The following ECE1 variants were observed in gnomAD, a reference collection of about 807,000 sequenced individuals.
The protein encoded by ECE1 is endothelin converting enzyme 1.
A neutral mutation model predicts 98.6 loss-of-function variants in ECE1; 35 were observed. That is an observed-to-expected ratio of 0.35 (90% confidence interval 0.27 to 0.47). The LOEUF (loss-of-function observed/expected upper bound fraction) is 0.47, where lower values mean the gene tolerates loss of function less well. Ranked by LOEUF, ECE1 falls within the 20% of genes least tolerant of loss-of-function variation. ECE1 has a pLI of 1.00. For synonymous variants in ECE1, 394 were observed against 407.1 expected (o/e 0.97, Z 0.39); for missense variants, 814 against 1,025.3 (o/e 0.79, Z 2.81).
intron 8 of ECE1, among the ~76,000 whole-genome samples, chr1:21,248,491 A>C (rs1295990328): frequency 6.6e-6 from 1 of 151,872 alleles, no homozygotes; most frequent in African/African-American, 2.4e-5. Context: ...CTCTATTTTA[A>C]GATGACTGAA....
In ECE1 at chr1:21,279,383, G is replaced by A. The variant is rs200774323; in HGVS notation, c.139-51C>T. ...GGGGAAGACGTGAGCCCCGGGCCCC[G>A]CTTCCCTTGGAGGAAGGGGTTCCGC... On this transcript the variant is annotated intron_variant, in intron 2 of 18. Transcript: ENST00000374893. 8 of 1,613,386 alleles carry A rather than the reference G, an allele frequency of 5.0e-6. No individual in the cohort carries two copies. The East Asian group carries it at 8.9e-5, about 18-fold the overall frequency.
intron 15 of ECE1, among the ~76,000 whole-genome samples, chr1:21,227,612 G>C (rs1212806267): frequency 6.6e-6 from 1 of 152,158 alleles, no homozygotes; most frequent in African/African-American, 2.4e-5. Flanking sequence ...AGCAGACCTG[G>C]GATTCAAACT....
chr1:21,342,528 GTGGGGAGC>G (rs1291502367), intron 1 of ECE1, among the ~76,000 whole-genome samples: 3 of 152,054 alleles, frequency 2.0e-5, no homozygotes, highest in Admixed American at 6.6e-5. Flanking sequence ...AGAGACGTGG[GTGGGGAGC>G]TGGTGACCAT....
chr1:21,238,373 A>C, intron 10 of ECE1, 129 bp from the exon 11 acceptor site: 1 of 772,338 alleles, frequency 1.3e-6, no homozygotes, highest in Non-Finnish European at 2.2e-6. Flanking sequence ...TTTCCGACCC[A>C]GTAAAGTTAT....
intron 2 of ECE1, among the ~76,000 whole-genome samples, chr1:21,282,863 T>C (rs994673469): frequency 6.6e-6 from 1 of 150,616 alleles, no homozygotes; most frequent in African/African-American, 2.4e-5. Flanking sequence ...TGGCAGCAAA[T>C]AAATACTTGA....
rs550678987 is a variant in ECE1, at chr1:21,279,716, C to G, written c.139-384G>C. On this transcript the variant is annotated intron_variant, in intron 2 of 18. Coordinates refer to ENST00000374893, the MANE Select transcript of ECE1 (RefSeq NM_001397.3). Reference sequence around the variant, plus strand: ...CCAGCTGGGCTCTCTGCAGAGCCCCCACATCAGCGGGGTCAGGGACAAGGG... The same window carrying G: ...CCAGCTGGGCTCTCTGCAGAGCCCCGACATCAGCGGGGTCAGGGACAAGGG... 1.5e-4 allele frequency: 206 copies of G among 1,330,522 alleles called. No homozygotes were observed. In the African/African-American group the frequency reaches 2.8e-3, roughly 18 times the overall value. The allele number at this position is 1,330,522 out of a possible 1,614,324, so 82.4% of individuals were successfully genotyped here.
intron 4 of ECE1, among the ~76,000 whole-genome samples, chr1:21,263,003 G>A (rs1469561702): frequency 2.0e-5 from 3 of 152,228 alleles, no homozygotes; most frequent in Admixed American, 6.5e-5. Flanking sequence ...GGGAGCATCT[G>A]ATTACGCACG....
At chr1:21,265,463 C>T (rs745499082) in intron 4 of ECE1, among the ~76,000 whole-genome samples, 2 of 152,156 alleles carry the variant, frequency 1.3e-5, no homozygotes, top group Non-Finnish European at 2.9e-5. Flanking sequence ...ACCCAGATGG[C>T]GGAGGTTGCA....
At chr1:21,288,986 G>A (rs1351355603) in intron 2 of ECE1, among the ~76,000 whole-genome samples, 2 of 152,202 alleles carry the variant, frequency 1.3e-5, no homozygotes, top group African/African-American at 4.8e-5. Flanking sequence ...CTGGGCCTAT[G>A]TGACCCTGGA....
At chr1:21,337,246 C>A (rs1482204629) in intron 1 of ECE1, among the ~76,000 whole-genome samples, 2 of 152,164 alleles carry the variant, frequency 1.3e-5, no homozygotes, top group Admixed American at 1.3e-4. Context: ...CACGACTCAG[C>A]CTAAAAAGGA....
intron 16 of ECE1, among the ~76,000 whole-genome samples, chr1:21,226,603 C>T (rs1478660147): frequency 2.6e-5 from 4 of 152,224 alleles, no homozygotes; most frequent in Non-Finnish European, 1.5e-5. Flanking sequence ...AATCATAGTT[C>T]ACTGTAGCCT....
intron 14 of ECE1, among the ~76,000 whole-genome samples, chr1:21,231,927 T>TA (rs2098182240): frequency 6.6e-6 from 1 of 152,262 alleles, no homozygotes; most frequent in Non-Finnish European, 1.5e-5. Context: ...TGGAGGAATT[T>TA]AAAACATCAT....
At chr1:21,339,473 A>G (rs1639361784) in intron 1 of ECE1, among the ~76,000 whole-genome samples, 1 of 152,136 alleles carries the variant, frequency 6.6e-6, no homozygotes, top group Non-Finnish European at 1.5e-5. Context: ...CCCGTCCCTA[A>G]TTCCCTAAGT....
intron 3 of ECE1, among the ~76,000 whole-genome samples, chr1:21,278,439 G>A (rs1458509572): frequency 6.6e-6 from 1 of 152,238 alleles, no homozygotes; most frequent in Non-Finnish European, 1.5e-5. Context: ...GATCTGGAAG[G>A]GCAGCTCTCC....
chr1:21,273,230 G>A (rs966827294), intron 3 of ECE1, among the ~76,000 whole-genome samples: 1 of 152,022 alleles, frequency 6.6e-6, no homozygotes, highest in East Asian at 1.9e-4. Flanking sequence ...ATTCATTCAC[G>A]CATGCATTCA....
At position 21,258,841 on chromosome 1, in the gene ECE1, T is replaced by C; in HGVS notation, c.616-2A>G. ...ACCTGTGATGTTCCAGCCCCCGAGC[T>C]GTGGGGAGGGAGAGCAGGCAGGGAG... On this transcript the variant is annotated splice_acceptor_variant, in intron 5 of 18. Transcript: ENST00000374893. LOFTEE classifies it high-confidence loss of function. The surrounding 1 kb of genome is among the most constrained non-coding windows in gnomAD (Gnocchi z 4.2). 6.2e-7 allele frequency: 1 copy of C among 1,614,060 alleles called. No homozygotes were observed.
chr1:21,301,827 GAAAAAA>G (rs34861827), intron 1 of ECE1, among the ~76,000 whole-genome samples: 81 of 33,936 alleles, frequency 2.4e-3, no homozygotes, highest in Admixed American at 4.1e-3. Context: ...CCCTGTCTCA[GAAAAAA>G]AAAAAAAAAA....
rs1573980875 is a variant in ECE1 at position 21,260,410 on chromosome 1, G to A, written c.494-18C>T. The A allele has an allele frequency of 6.2e-7, 1 of 1,614,170 alleles. No homozygotes were observed. On this transcript the variant is annotated intron_variant, in intron 4 of 18. Coordinates refer to ENST00000374893, the MANE Select transcript of ECE1 (RefSeq NM_001397.3). This position sits in a 1 kb window ranked among gnomAD's most constrained non-coding sequence, Gnocchi z 4.3. The stretch of plus-strand genomic sequence containing the variant: ...GGAGTTTTCTGGAACAACAGACAGT[G>A]GAGTTTGCAATGCGGCCCCACTTGC...
intron 2 of ECE1, chr1:21,280,092 G>A (rs1180148385): frequency 1.3e-5 from 2 of 152,364 alleles, no homozygotes; most frequent in African/African-American, 2.4e-5. Context: ...ACAATGAGAG[G>A]AAGTGCAGGG....
Sources: allele counts gnomAD v4.1 joint callset (sites outside exome capture counted in the v4.1 genomes callset), GRCh38; gene constraint gnomAD v4.1.1; non-coding constraint Gnocchi (gnomAD v3.1); transcripts MANE v1.5; gene names NCBI Gene and HGNC (gene_info 2026-07-23, HGNC 2026-07-21).